MYO18B: variants seen among roughly 807,000 people sequenced by gnomAD.
MYO18B encodes the protein unconventional myosin-XVIIIb.
MYO18B carries 204 observed loss-of-function variants against 273.0 expected under a neutral mutation model. The ratio of observed to expected loss-of-function variants is 0.75; its 90% CI spans 0.67 to 0.84. MYO18B has a LOEUF of 0.84. MYO18B is among the 40% of genes least tolerant of loss of function. MYO18B has a pLI of 0.00. For missense variants in MYO18B, 3,212 were observed against 3,287.6 expected, an observed-to-expected ratio of 0.98 and a Z score of 0.56; for synonymous variants, 1,330 against 1,305.7, an observed-to-expected ratio of 1.02 and a Z score of -0.40.
the MYO18B span, among the ~76,000 whole-genome samples, chr22:26,055,281 AC>A: frequency 6.6e-6 from 1 of 152,278 alleles, no homozygotes; most frequent in East Asian, 1.9e-4. Flanking sequence ...TTCCCTTGTT[AC>A]TTGGGGAGAA....
At chr22:26,039,945 C>T in the MYO18B span, among the ~76,000 whole-genome samples, 1 of 152,160 alleles carries the variant, frequency 6.6e-6, no homozygotes, top group African/African-American at 2.4e-5. Flanking sequence ...CTACCTCAGC[C>T]TCCTGAGTGG....
intron 39 of MYO18B, among the ~76,000 whole-genome samples, chr22:25,963,474 TC>T (rs1289096075): frequency 6.7e-6 from 1 of 149,458 alleles, no homozygotes; most frequent in Non-Finnish European, 1.5e-5. Context: ...TATGTGGCCT[TC>T]CCCTCTTCTC....
At position 25,955,329 on chromosome 22, in the gene MYO18B, C is replaced by T. The variant is rs769227905; in HGVS notation, c.6121C>T (p.Arg2041Trp). ...LKADMEELVQ[R>W]EAEASRRCME... is the part of the protein sequence containing the mutation. ...GGCCGACATGGAAGAGCTGGTGCAG[C>T]GGGAGGCAGAGGCCAGCCGGCGGTG... The change falls in exon 39 of 44, where the codon CGG (arginine) becomes TGG (tryptophan). Residue 2041 changes from arginine (R) to tryptophan (W), a missense_variant. Physicochemically the swap from Arg to Trp is moderately radical, Grantham distance 101. Transcript: ENST00000335473. 5.0e-6 allele frequency: 8 copies of T among 1,613,602 alleles called. No homozygotes were observed. Among genetic ancestry groups the T allele is most frequent in the Admixed American group, 1.7e-5 (1 of 60,000 alleles).
At chr22:26,062,519 G>A in the MYO18B span, among the ~76,000 whole-genome samples, 2 of 152,102 alleles carry the variant, frequency 1.3e-5, no homozygotes, top group South Asian at 2.1e-4. Context: ...TATTTCCTGA[G>A]CCCCTGGACC....
At chr22:25,815,214 C>T (rs7286436) in intron 12 of MYO18B, among the ~76,000 whole-genome samples, 5 of 152,188 alleles carry the variant, frequency 3.3e-5, no homozygotes, top group Non-Finnish European at 7.3e-5. Context: ...CCTGCCTTGG[C>T]GAGGGGCATG....
chr22:25,808,682 G>A (rs1431203329), intron 12 of MYO18B, among the ~76,000 whole-genome samples: 1 of 152,126 alleles, frequency 6.6e-6, no homozygotes, highest in Non-Finnish European at 1.5e-5. Context: ...TAAAGGCATG[G>A]GGTCTGGAAC....
At chr22:25,800,485 A>G (rs2088144630) in intron 12 of MYO18B, among the ~76,000 whole-genome samples, 1 of 152,242 alleles carries the variant, frequency 6.6e-6, no homozygotes, top group Non-Finnish European at 1.5e-5. Flanking sequence ...AACATGTTGC[A>G]TATTTGGGGA....
chr22:25,940,667 C>T (rs1238208159), intron 34 of MYO18B, among the ~76,000 whole-genome samples: 2 of 152,150 alleles, frequency 1.3e-5, no homozygotes, highest in African/African-American at 2.4e-5. Context: ...GAGAATGCAA[C>T]CTCTCCTTCC....
At chr22:25,872,366 T>C (rs551043265) in intron 22 of MYO18B, among the ~76,000 whole-genome samples, 52 of 152,326 alleles carry the variant, frequency 3.4e-4, no homozygotes, top group African/African-American at 1.2e-3. Flanking sequence ...GGCAGCTTCA[T>C]GTTGACGGAC....
chr22:26,036,697 C>A, the MYO18B span, among the ~76,000 whole-genome samples: 1 of 152,170 alleles, frequency 6.6e-6, no homozygotes, highest in African/African-American at 2.4e-5. Context: ...GAAGACATGG[C>A]TGCATTTACC....
chr22:25,754,015 C>T (rs2086029250), intron 1 of MYO18B, among the ~76,000 whole-genome samples: 1 of 152,194 alleles, frequency 6.6e-6, no homozygotes, highest in South Asian at 2.1e-4. Context: ...GCTGGTGTTT[C>T]AGGTGTGATC....
chr22:25,905,280 T>A (rs2092019710), intron 31 of MYO18B, among the ~76,000 whole-genome samples: 2 of 152,104 alleles, frequency 1.3e-5, no homozygotes, highest in South Asian at 4.1e-4. Flanking sequence ...GGGAACAAGA[T>A]CCAGGAAGTC....
At chr22:25,926,284 A>G (rs573709460) in intron 34 of MYO18B, among the ~76,000 whole-genome samples, 1 of 151,928 alleles carries the variant, frequency 6.6e-6, no homozygotes, top group East Asian at 1.9e-4. Context: ...GAAAACCTAG[A>G]GAAAGGTGTT....
chr22:25,774,947 G>A (rs2086860572), intron 7 of MYO18B, among the ~76,000 whole-genome samples: 1 of 152,262 alleles, frequency 6.6e-6, no homozygotes, highest in Non-Finnish European at 1.5e-5. Flanking sequence ...GTGCCTACAA[G>A]CACACTTCTG....
intron 29 of MYO18B, 170 bp downstream of exon 29, chr22:25,898,631 T>A: frequency 3.0e-6 from 2 of 671,642 alleles, no homozygotes; most frequent in Non-Finnish European, 4.8e-6. Flanking sequence ...CTCCCAAGAA[T>A]CCAGCAAGAA....
At chr22:25,914,286 T>G (rs2092218781) in intron 33 of MYO18B, among the ~76,000 whole-genome samples, 1 of 152,248 alleles carries the variant, frequency 6.6e-6, no homozygotes, top group Admixed American at 6.5e-5. Flanking sequence ...CAAAACCTGA[T>G]GTAATTTTTA....
intron 34 of MYO18B, among the ~76,000 whole-genome samples, chr22:25,939,175 T>A (rs1470845782): frequency 2.0e-5 from 3 of 152,248 alleles, no homozygotes; most frequent in Admixed American, 6.5e-5. Context: ...TTACCTCCTT[T>A]AATTCACTCA....
Position 25,843,837 on chromosome 22 carries a change from G to C in MYO18B, c.3311G>C (p.Arg1104Thr). ...TACGACCTCACGGGCTGGCTCCACA[G>C]AGCCAAGCCCAACCTCTCGGCCCTG... The part of the protein sequence containing the change: ...VRYDLTGWLH[R>T]AKPNLSALDA... The change falls in exon 18 of 44, where the codon AGA becomes ACA. Residue 1104 changes from arginine to threonine, a missense_variant. By Grantham distance (71) the Arg-to-Thr change is moderately conservative. Coordinates refer to ENST00000335473, the MANE Select transcript of MYO18B (RefSeq NM_032608.7). The C allele has an allele frequency of 6.2e-7, 1 of 1,613,784 alleles. No homozygotes were observed.
intron 42 of MYO18B, among the ~76,000 whole-genome samples, chr22:26,007,839 T>C (rs1934558348): frequency 1.3e-5 from 2 of 152,198 alleles, no homozygotes; most frequent in African/African-American, 4.8e-5. Flanking sequence ...AATACTTCTC[T>C]CAAAGAACTT....
Sources: gnomAD v4.1 joint callset for allele counts (sites outside exome capture counted in the v4.1 genomes callset) on GRCh38, gnomAD v4.1.1 for gene constraint, MANE v1.5 for transcripts, NCBI Gene and HGNC (gene_info 2026-07-23, HGNC 2026-07-21) for gene names.